The following DNAH11 variants were observed in gnomAD, a reference collection of about 807,000 sequenced individuals.
DNAH11 encodes the protein dynein axonemal heavy chain 11.
In DNAH11, 442 loss-of-function variants were observed where a neutral mutation model predicts 526.0. That is an observed-to-expected ratio of 0.84 (90% CI 0.78 to 0.91). The LOEUF (loss-of-function observed/expected upper bound fraction) is 0.91, where lower values mean the gene tolerates loss of function less well. DNAH11 is among the 40% of genes least tolerant of loss of function. The pLI, the probability that DNAH11 is intolerant of heterozygous loss-of-function variation, is 0.00. For synonymous variants in DNAH11, 2,461 were observed against 1,935.9 expected (o/e 1.27, Z -7.12); for missense variants, 6,989 against 5,448.7 (o/e 1.28, Z -8.90).
At chr7:21,858,870 A>G (rs79173634) in intron 68 of DNAH11, among the ~76,000 whole-genome samples, 8,015 of 152,242 alleles carry the variant, frequency 0.053, 247 homozygotes, top group Middle Eastern at 0.13. Flanking sequence ...ATTTTATAGT[A>G]TGTAAACGAA....
chr7:21,663,764 T>C (rs894947328), intron 30 of DNAH11, among the ~76,000 whole-genome samples: 1 of 151,844 alleles, frequency 6.6e-6, no homozygotes, highest in Non-Finnish European at 1.5e-5. Context: ...TTCCTTTTTT[T>C]TTTTTTAAAG....
At position 21,683,802 on chromosome 7, in the gene DNAH11, T is replaced by G; in HGVS notation, c.5479T>G (p.Phe1827Val). The G allele has an allele frequency of 6.2e-7, 1 of 1,609,552 alleles. No individual in the cohort carries two copies. Residue 1827 changes from phenylalanine to valine, a missense_variant, in exon 32 of 82, where the codon TTT becomes GTT. Transcript: ENST00000409508. ...ISQKVVSPQA[F>V]TWLSQLRHRW... is the part of the protein sequence containing the mutation. ...CCTTTAGGTTGTCAGTCCCCAAGCT[T>G]TTACATGGCTGTCTCAACTTCGTCA...
chr7:21,853,161 C>T (rs896934100), intron 67 of DNAH11, among the ~76,000 whole-genome samples: 1 of 152,182 alleles, frequency 6.6e-6, no homozygotes, highest in African/African-American at 2.4e-5. Flanking sequence ...ATTAAATAGG[C>T]TTCCTGCTAA....
intron 25 of DNAH11, among the ~76,000 whole-genome samples, chr7:21,622,743 G>T (rs1307843114): frequency 1.3e-5 from 2 of 152,162 alleles, no homozygotes; most frequent in Non-Finnish European, 2.9e-5. Context: ...AATAAATGGT[G>T]CTGGGAAAAC....
chr7:21,658,160 TAAAA>T (rs959103112), intron 29 of DNAH11, among the ~76,000 whole-genome samples: 2 of 149,426 alleles, frequency 1.3e-5, no homozygotes, highest in African/African-American at 2.5e-5. Context: ...TTCAATTTTT[TAAAA>T]AAAAAAAGAT....
chr7:21,614,749 C>A (rs1295837662), intron 20 of DNAH11, among the ~76,000 whole-genome samples: 1 of 151,986 alleles, frequency 6.6e-6, no homozygotes, highest in Non-Finnish European at 1.5e-5. Flanking sequence ...AAATATAATT[C>A]ATTCTTACAT....
rs756630940 is a variant in DNAH11, at chr7:21,638,957, A to G, written c.4836A>G (p.Lys1612=). 1 of 1,610,264 alleles carries G rather than the reference A, an allele frequency of 6.2e-7. No individual in the cohort carries two copies. The highest frequency in any genetic ancestry group is 2.2e-5 in the East Asian group (1 of 44,848). Residue 1612 remains lysine, a synonymous_variant, in exon 28 of 82, where the codon AAA becomes AAG. Coordinates refer to ENST00000409508, the MANE Select transcript of DNAH11 (RefSeq NM_001277115.2). ...DLQSRLSLCE[K]ALAEYLETKR... ...CATGTAGGCTTTCTCTTTGTGAAAAAGCTCTCGCTGAATACCTGGAAACCA... is the reference window on the plus strand; with the variant it reads ...CATGTAGGCTTTCTCTTTGTGAAAAGGCTCTCGCTGAATACCTGGAAACCA...
At chr7:21,764,305 T>C (rs990408202) in intron 54 of DNAH11, among the ~76,000 whole-genome samples, 3 of 152,192 alleles carry the variant, frequency 2.0e-5, no homozygotes, top group African/African-American at 7.2e-5. Flanking sequence ...GGTGCACGTA[T>C]GCTGGAATTT....
chr7:21,619,975 A>G lies in DNAH11; in HGVS notation c.4397A>G (p.Gln1466Arg), dbSNP rs1785964447. Residue 1466 changes from glutamine (Q) to arginine (R), a missense_variant, in exon 25 of 82, where the codon CAG becomes CGG. Coordinates refer to ENST00000409508, the MANE Select transcript of DNAH11 (RefSeq NM_001277115.2). Reference protein sequence around the residue: ...GTEKVITEISQTWATMKFSYE... With the variant: ...GTEKVITEISRTWATMKFSYE... Reference sequence around the variant, plus strand: ...TACTAGGTTATTACTGAAATCAGTCAGACCTGGGCAACCATGAAGTTTTCT... The same window carrying G: ...TACTAGGTTATTACTGAAATCAGTCGGACCTGGGCAACCATGAAGTTTTCT... 4.4e-6 allele frequency: 7 copies of G among 1,602,992 alleles called. No homozygotes were observed. The highest frequency in any genetic ancestry group is 1.6e-4 in the Middle Eastern group (1 of 6,070).
Position 21,866,629 on chromosome 7 carries a change from G to A in DNAH11, c.11656G>A (p.Ala3886Thr), listed in dbSNP as rs773684391. Reference protein sequence around the residue: ...SLIQKLILLRAMRPDRMTYAL... With the variant: ...SLIQKLILLRTMRPDRMTYAL... ...AATACAGAAGCTGATTCTTCTGAGA[G>A]CAATGCGCCCTGACAGAATGACGTA... Residue 3886 changes from alanine to threonine, a missense_variant, in exon 71 of 82, where the codon GCA becomes ACA. By Grantham distance (58) the Ala-to-Thr change is moderately conservative. Transcript: ENST00000409508. 5 of 1,613,742 alleles carry A rather than the reference G, an allele frequency of 3.1e-6. No homozygotes were observed. Among genetic ancestry groups the A allele is most frequent in the Admixed American group, 1.7e-5 (1 of 59,986 alleles).
At chr7:21,678,101 T>G (rs1170291639) in intron 30 of DNAH11, among the ~76,000 whole-genome samples, 1 of 152,144 alleles carries the variant, frequency 6.6e-6, no homozygotes, top group Non-Finnish European at 1.5e-5. Flanking sequence ...TATTTTTTAT[T>G]TTGTTGTCTA....
intron 61 of DNAH11, among the ~76,000 whole-genome samples, chr7:21,797,266 C>A (rs1235751388): frequency 6.6e-6 from 1 of 151,572 alleles, no homozygotes; most frequent in Non-Finnish European, 1.5e-5. Flanking sequence ...ATTGCCTAGG[C>A]TGGAGTGCAG....
intron 46 of DNAH11, among the ~76,000 whole-genome samples, chr7:21,737,392 C>G (rs778805196): frequency 6.6e-6 from 1 of 152,080 alleles, no homozygotes; most frequent in Non-Finnish European, 1.5e-5. Context: ...GGGACAATCC[C>G]AGGCAACCAC....
chr7:21,635,627 A>G (rs1786825461), intron 25 of DNAH11, among the ~76,000 whole-genome samples: 1 of 138,628 alleles, frequency 7.2e-6, no homozygotes, highest in African/African-American at 3.0e-5. Flanking sequence ...AGAAAGACAT[A>G]TGAGGAGATA....
Position 21,599,867 on chromosome 7 carries a change from G to A in DNAH11, c.2748G>A (p.Val916=), listed in dbSNP as rs1785004635. 6 of 1,609,988 alleles carry A rather than the reference G, an allele frequency of 3.7e-6. No homozygotes were observed. The highest frequency in any genetic ancestry group is 2.7e-5 in the African/African-American group (2 of 74,826). Reference sequence around the variant, plus strand: ...TAGAATTCATTGACGACATTGTGGTGGAAGGCTTTTTTCAGGCTATAATGC... The same window carrying A: ...TAGAATTCATTGACGACATTGTGGTAGAAGGCTTTTTTCAGGCTATAATGC... The part of the protein sequence containing the change: ...IYVEFIDDIV[V]EGFFQAIMHD... The change falls in exon 15 of 82, where the codon GTG becomes GTA. Residue 916 remains valine, a synonymous_variant. Transcript: ENST00000409508.
intron 54 of DNAH11, among the ~76,000 whole-genome samples, chr7:21,753,024 A>G (rs1053864034): frequency 5.9e-5 from 9 of 152,136 alleles, no homozygotes; most frequent in African/African-American, 9.7e-5. Flanking sequence ...AAGCAGTCGG[A>G]ACTCAAATTG....
intron 65 of DNAH11, among the ~76,000 whole-genome samples, chr7:21,826,785 C>T (rs1012558957): frequency 6.6e-6 from 1 of 152,200 alleles, no homozygotes; most frequent in Non-Finnish European, 1.5e-5. Context: ...GGGATAACAC[C>T]ATCCTCCTTT....
intron 60 of DNAH11, among the ~76,000 whole-genome samples, chr7:21,788,440 G>A (rs769934599): frequency 7.9e-5 from 12 of 151,996 alleles, no homozygotes; most frequent in Non-Finnish European, 1.5e-4. Context: ...CGGCCTCTCT[G>A]CATAATAAAA....
chr7:21,642,116 T>C (rs554616145), intron 28 of DNAH11, among the ~76,000 whole-genome samples: 1 of 152,338 alleles, frequency 6.6e-6, no homozygotes, highest in East Asian at 1.9e-4. Context: ...ATTTTTGATA[T>C]ATTTTGAAAT....
Sources: gnomAD v4.1 joint callset for allele counts (sites outside exome capture counted in the v4.1 genomes callset) on GRCh38, gnomAD v4.1.1 for gene constraint, MANE v1.5 for transcripts, NCBI Gene and HGNC (gene_info 2026-07-23, HGNC 2026-07-21) for gene names.